PLEKHA5: variants seen among roughly 807,000 people sequenced by gnomAD.
The protein encoded by PLEKHA5 is pleckstrin homology domain-containing family A member 5.
In PLEKHA5, 55 loss-of-function variants were observed where a neutral mutation model predicts 181.9. The ratio of observed to expected loss-of-function variants is 0.30; its 90% CI spans 0.24 to 0.38. The LOEUF (loss-of-function observed/expected upper bound fraction) is 0.38, where lower values mean the gene tolerates loss of function less well. Among genes scored for constraint, PLEKHA5 ranks in the 10% least tolerant of loss-of-function variants. PLEKHA5 has a pLI of 1.00. For synonymous variants in PLEKHA5, 535 were observed against 529.4 expected (o/e 1.01, Z -0.15); for missense variants, 1,432 against 1,549.5 (o/e 0.92, Z 1.27).
At chr12:19,216,440 A>G (rs543114832) in intron 3 of PLEKHA5, among the ~76,000 whole-genome samples, 2 of 152,264 alleles carry the variant, frequency 1.3e-5, no homozygotes, top group South Asian at 4.1e-4. Flanking sequence ...AGGTGGGCAG[A>G]TCATTTGAGG....
At chr12:19,337,061 C>T (rs1369003488) in intron 21 of PLEKHA5, among the ~76,000 whole-genome samples, 1 of 140,594 alleles carries the variant, frequency 7.1e-6, no homozygotes, top group Non-Finnish European at 1.5e-5. Context: ...GATCTTGGCT[C>T]ACCGCAACCT....
intron 3 of PLEKHA5, among the ~76,000 whole-genome samples, chr12:19,161,275 T>C (rs1366478314): frequency 6.6e-6 from 1 of 152,180 alleles, no homozygotes; most frequent in African/African-American, 2.4e-5. Flanking sequence ...CCCTCACTTG[T>C]GCTCCCAAGT....
chr12:19,171,140 G>C (rs1014902838), intron 3 of PLEKHA5, among the ~76,000 whole-genome samples: 4 of 152,128 alleles, frequency 2.6e-5, no homozygotes, highest in African/African-American at 7.2e-5. Flanking sequence ...TTATAAAGGG[G>C]CTCTATAGAG....
intron 20 of PLEKHA5, 44 bp downstream of exon 20, chr12:19,322,711 T>A (rs377218735): frequency 4.3e-5 from 61 of 1,409,870 alleles, no homozygotes; most frequent in Non-Finnish European, 5.8e-5. Flanking sequence ...AGCTTAAATA[T>A]GTAGTTCTAT....
At chr12:19,173,466 A>G (rs985511651) in intron 3 of PLEKHA5, among the ~76,000 whole-genome samples, 2 of 152,182 alleles carry the variant, frequency 1.3e-5, no homozygotes, top group Admixed American at 6.5e-5. Context: ...TCTCCAAAAA[A>G]AAAAATGTGC....
At chr12:19,327,258 T>G (rs1347040624) in intron 20 of PLEKHA5, among the ~76,000 whole-genome samples, 1 of 151,170 alleles carries the variant, frequency 6.6e-6, no homozygotes, top group African/African-American at 2.4e-5. Flanking sequence ...TTTTTTTTTT[T>G]TTTTTTACTT....
intron 3 of PLEKHA5, among the ~76,000 whole-genome samples, chr12:19,177,252 A>G (rs1366916646): frequency 2.0e-5 from 3 of 152,202 alleles, no homozygotes; most frequent in Non-Finnish European, 2.9e-5. Flanking sequence ...TTATTTATGT[A>G]GCTTTTAAAA....
intron 3 of PLEKHA5, among the ~76,000 whole-genome samples, chr12:19,184,595 C>T (rs956240177): frequency 6.6e-6 from 1 of 152,114 alleles, no homozygotes; most frequent in African/African-American, 2.4e-5. Flanking sequence ...AGGAAGTCTT[C>T]ATGGAAGACA....
intron 20 of PLEKHA5, among the ~76,000 whole-genome samples, chr12:19,334,137 C>T (rs2093126510): frequency 6.6e-6 from 1 of 152,036 alleles, no homozygotes; most frequent in African/African-American, 2.4e-5. Flanking sequence ...AAATACCCAG[C>T]CAGATGTTGG....
intron 3 of PLEKHA5, among the ~76,000 whole-genome samples, chr12:19,189,287 C>G (rs561204431): frequency 6.6e-6 from 1 of 152,150 alleles, no homozygotes; most frequent in South Asian, 2.1e-4. Flanking sequence ...AGAGTAGAAA[C>G]AAGGAGAATA....
In PLEKHA5 at chr12:19,273,072, AT is replaced by A. The variant is rs542984902; in HGVS notation, c.846-1434del. On this transcript the variant is annotated intron_variant, in intron 10 of 31. Transcript: ENST00000429027. ...CAGATGTCCTCCACCAAGCCAGCTAATTTTTTTTTTATTTTTCGTAGAGACG... is the reference window on the plus strand; with the variant it reads ...CAGATGTCCTCCACCAAGCCAGCTAATTTTTTTTTATTTTTCGTAGAGACG... 1.3e-4 allele frequency among the ~76,000 whole-genome samples: 20 copies of A among 150,400 alleles called. No individual in the cohort carries two copies. The South Asian group carries it at 4.2e-3, about 32-fold the overall frequency.
chr12:19,137,348 A>G (rs932319859), intron 3 of PLEKHA5, among the ~76,000 whole-genome samples: 10 of 152,200 alleles, frequency 6.6e-5, no homozygotes, highest in African/African-American at 1.2e-4. Context: ...TATACTTTCT[A>G]TAATAATATA....
Position 19,274,874 on chromosome 12 carries a change from C to A in PLEKHA5, c.1204C>A (p.Pro402Thr), listed in dbSNP as rs770405991. 1.2e-6 allele frequency: 2 copies of A among 1,613,878 alleles called. No homozygotes were observed. Among genetic ancestry groups the A allele is most frequent in the Non-Finnish European group, 1.7e-6 (2 of 1,179,924 alleles). The change falls in exon 11 of 32, where the codon CCC becomes ACC. Residue 402 changes from proline (P) to threonine (T), a missense_variant. Coordinates refer to ENST00000429027, the MANE Select transcript of PLEKHA5 (RefSeq NM_001256470.2). ...AGGTGGAAATCGCCCCAATACAGGGCCCTTATACACAGAGGCCGATCGAGT... is the reference window on the plus strand; with the variant it reads ...AGGTGGAAATCGCCCCAATACAGGGACCTTATACACAGAGGCCGATCGAGT... ...LRGGNRPNTG[P>T]LYTEADRVIQ...
At chr12:19,197,691 T>C (rs1565455030) in intron 3 of PLEKHA5, among the ~76,000 whole-genome samples, 1 of 123,408 alleles carries the variant, frequency 8.1e-6, no homozygotes, top group South Asian at 2.8e-4. Context: ...TGTGTGTGTG[T>C]GTGTGTGTGT....
intron 3 of PLEKHA5, among the ~76,000 whole-genome samples, chr12:19,251,873 C>G (rs2152528137): frequency 6.6e-6 from 1 of 152,176 alleles, no homozygotes; most frequent in Middle Eastern, 3.4e-3. Context: ...TCATTGTCTT[C>G]CCTTCCCTGC....
At chr12:19,190,394 T>C (rs2050827105) in intron 3 of PLEKHA5, among the ~76,000 whole-genome samples, 1 of 152,204 alleles carries the variant, frequency 6.6e-6, no homozygotes, top group African/African-American at 2.4e-5. Context: ...TTATTCAGGT[T>C]AATGCAAAGC....
chr12:19,143,674 A>G (rs979691991), intron 3 of PLEKHA5, among the ~76,000 whole-genome samples: 1 of 152,144 alleles, frequency 6.6e-6, no homozygotes, highest in Non-Finnish European at 1.5e-5. Flanking sequence ...TTATGCATTT[A>G]TAATGTTTCA....
chr12:19,254,747 T>C (rs1289720262), intron 4 of PLEKHA5, among the ~76,000 whole-genome samples: 1 of 152,182 alleles, frequency 6.6e-6, no homozygotes, highest in Non-Finnish European at 1.5e-5. Context: ...CACTTGAACC[T>C]GGGAGGCAGA....
At chr12:19,230,019 G>T (rs999701464) in intron 3 of PLEKHA5, among the ~76,000 whole-genome samples, 3 of 152,120 alleles carry the variant, frequency 2.0e-5, no homozygotes, top group Non-Finnish European at 2.9e-5. Flanking sequence ...AGACATAAAG[G>T]TTCTCCAAGT....
Sources: gnomAD v4.1 joint callset for allele counts (sites outside exome capture counted in the v4.1 genomes callset) on GRCh38, gnomAD v4.1.1 for gene constraint, MANE v1.5 for transcripts, NCBI Gene and HGNC (gene_info 2026-07-23, HGNC 2026-07-21) for gene names.